Variants in NFAM1 observed in about 807,000 individuals in gnomAD.
NFAM1 encodes the protein NFAT activating protein with ITAM motif 1.
A neutral mutation model predicts 29.0 loss-of-function variants in NFAM1; 17 were observed. That is an observed-to-expected ratio of 0.59 (90% confidence interval 0.40 to 0.88). The LOEUF (loss-of-function observed/expected upper bound fraction) is 0.88, where lower values mean the gene tolerates loss of function less well. Ranked by LOEUF, NFAM1 falls within the 40% of genes least tolerant of loss-of-function variation. The probability of loss-of-function intolerance (pLI) is 0.00; values close to 1 mark genes in which losing one functional copy is unlikely to be tolerated. For missense variants in NFAM1, 324 were observed against 344.6 expected, an observed-to-expected ratio of 0.94 and a Z score of 0.47; for synonymous variants, 175 against 147.2, an observed-to-expected ratio of 1.19 and a Z score of -1.36.
Position 42,415,873 on chromosome 22 carries a change from A to G in NFAM1, c.122-4137T>C, listed in dbSNP as rs181832331. On this transcript the variant is annotated intron_variant, in intron 1 of 5. Coordinates refer to ENST00000329021, the MANE Select transcript of NFAM1 (RefSeq NM_145912.8). ...ATTGAAGGGGTACCAGTTAGGTCAC[A>G]GGCCCTGTCCCAGACCAGGAGGGGC... Among the ~76,000 whole-genome samples the G allele has an allele frequency of 7.2e-5, 11 of 152,340 alleles. No homozygotes were observed. In the East Asian group the frequency reaches 2.1e-3, roughly 29 times the overall value.
intron 4 of NFAM1, among the ~76,000 whole-genome samples, chr22:42,389,132 G>A (rs1929246213): frequency 6.6e-6 from 1 of 152,216 alleles, no homozygotes; most frequent in Admixed American, 6.5e-5. Flanking sequence ...CCTTGCCCAT[G>A]TCTCGGCAGG....
chr22:42,433,935 C>T (rs375743903), upstream of NFAM1, among the ~76,000 whole-genome samples: 8 of 152,100 alleles, frequency 5.3e-5, no homozygotes, highest in Non-Finnish European at 8.8e-5. Flanking sequence ...GGAAAAGCAT[C>T]GGTCTGTGCC....
chr22:42,419,989 GGTTTTTTTTTTTTTTTTTTTT>G lies in NFAM1; in HGVS notation c.122-8274_122-8254del, dbSNP rs1442104265. ...CCTTTGAGTCTGTAATCCCACTCTT[GGTTTTTTTTTTTTTTTTTTTT>G]TTTTTTTTTTTTTTTTCTGAGGCAG... On this transcript the variant is annotated intron_variant, in intron 1 of 5. Coordinates refer to ENST00000329021, the MANE Select transcript of NFAM1 (RefSeq NM_145912.8). The surrounding 1 kb of genome is among the most constrained non-coding windows in gnomAD (Gnocchi z 4.5). 1.7e-3 allele frequency among the ~76,000 whole-genome samples: 96 copies of G among 56,528 alleles called. 2 individuals carry two copies. The highest frequency in any genetic ancestry group is 7.9e-3 in the Middle Eastern group (1 of 126). 37.1% of individuals were successfully genotyped at this position (56,528 alleles called of 152,430 possible).
chr22:42,411,380 C>T, intron 2 of NFAM1, 27 bp downstream of exon 2: 1 of 1,569,718 alleles, frequency 6.4e-7, no homozygotes, highest in Middle Eastern at 1.7e-4. Flanking sequence ...GTCCTTTGCC[C>T]TGGAAGAGCC....
At chr22:42,422,036 C>G (rs1385520302) in intron 1 of NFAM1, among the ~76,000 whole-genome samples, 1 of 152,218 alleles carries the variant, frequency 6.6e-6, no homozygotes, top group Non-Finnish European at 1.5e-5. Context: ...TGAACAGAGA[C>G]TATTTCGGAG....
intron 4 of NFAM1, among the ~76,000 whole-genome samples, chr22:42,391,272 G>C (rs13057554): frequency 6.6e-6 from 1 of 151,178 alleles, no homozygotes; most frequent in African/African-American, 2.4e-5. Context: ...GTCTCAGAGG[G>C]CTCTGAGCAG....
At chr22:42,432,445 G>A, upstream of NFAM1, 2 of 1,449,482 alleles carry the variant, frequency 1.4e-6, no homozygotes, top group African/African-American at 1.4e-5. Flanking sequence ...TCCCCACGAA[G>A]CTCCTCCCTG....
In NFAM1 at chr22:42,419,012, T is replaced by C. The variant is rs1438769838; in HGVS notation, c.122-7276A>G. On this transcript the variant is annotated intron_variant, in intron 1 of 5. Coordinates refer to ENST00000329021, the MANE Select transcript of NFAM1 (RefSeq NM_145912.8). The surrounding 1 kb of genome is among the most constrained non-coding windows in gnomAD (Gnocchi z 4.5). ...GCCTGAGTCCTTCCTTTTCCGGTTCTTCTTATGAATCTGTGGCTGCTTGAA... is the reference window on the plus strand; with the variant it reads ...GCCTGAGTCCTTCCTTTTCCGGTTCCTCTTATGAATCTGTGGCTGCTTGAA... Among the ~76,000 whole-genome samples, 2 of 152,176 alleles carry C rather than the reference T, an allele frequency of 1.3e-5. No homozygotes were observed. The highest frequency in any genetic ancestry group is 3.9e-4 in the East Asian group (2 of 5,184).
At chr22:42,433,124 C>G (rs1930859982), upstream of NFAM1, among the ~76,000 whole-genome samples, 4 of 152,246 alleles carry the variant, frequency 2.6e-5, no homozygotes, top group Non-Finnish European at 1.5e-5. Flanking sequence ...CTAGCAGCAT[C>G]AGCCGGGGAC....
At chr22:42,391,660 C>T (rs1929346368) in intron 4 of NFAM1, among the ~76,000 whole-genome samples, 2 of 151,830 alleles carry the variant, frequency 1.3e-5, no homozygotes, top group South Asian at 2.1e-4. Context: ...AGTTGGAGTT[C>T]GAGGCTGGGC....
rs1791555902 is a variant in NFAM1 at position 42,409,088 on chromosome 22, C to A, written c.564+347G>T. The stretch of plus-strand genomic sequence containing the variant: ...CTGGTAGCCCCTTCATCCCTTCCAG[C>A]CTGCTGGGATCAAGAAAACCTGAGC... On this transcript the variant is annotated intron_variant, in intron 3 of 5. Transcript: ENST00000329021. This position sits in a 1 kb window ranked among gnomAD's most constrained non-coding sequence, Gnocchi z 4.9. 6.6e-6 allele frequency among the ~76,000 whole-genome samples: 1 copy of A among 152,140 alleles called. No individual in the cohort carries two copies.
intron 4 of NFAM1, among the ~76,000 whole-genome samples, chr22:42,396,506 A>C (rs1261593698): frequency 4.0e-5 from 6 of 151,630 alleles, no homozygotes; most frequent in Non-Finnish European, 7.4e-5. Context: ...TATATATCTC[A>C]CATATGTGTA....
intron 3 of NFAM1, among the ~76,000 whole-genome samples, chr22:42,400,855 G>A (rs903817164): frequency 1.3e-5 from 2 of 152,182 alleles, no homozygotes; most frequent in African/African-American, 2.4e-5. Context: ...TGAGCTGGCC[G>A]ACCTGGACAC....
At chr22:42,420,523 T>C (rs574121314) in intron 1 of NFAM1, among the ~76,000 whole-genome samples, 4 of 150,136 alleles carry the variant, frequency 2.7e-5, no homozygotes, top group Non-Finnish European at 5.9e-5. Context: ...CCCAGCACTT[T>C]GGGAGGCCAA....
chr22:42,401,522 G>A (rs1929726054), intron 3 of NFAM1, among the ~76,000 whole-genome samples: 1 of 152,120 alleles, frequency 6.6e-6, no homozygotes, highest in African/African-American at 2.4e-5. Flanking sequence ...TGGGGGTGCT[G>A]GGGAGGCTGG....
intron 1 of NFAM1, among the ~76,000 whole-genome samples, chr22:42,425,573 G>GCCTCCTGCCC (rs999211162): frequency 4.6e-5 from 7 of 151,796 alleles, no homozygotes; most frequent in Admixed American, 6.6e-5. Context: ...CCTGTCTGCC[G>GCCTCCTGCCC]CCTCCTGCCC....
At chr22:42,422,907 G>T (rs1198095680) in intron 1 of NFAM1, among the ~76,000 whole-genome samples, 1 of 152,098 alleles carries the variant, frequency 6.6e-6, no homozygotes, top group Non-Finnish European at 1.5e-5. Context: ...GAGGTCAAGA[G>T]TTTGAGACCA....
chr22:42,407,747 G>A (rs2147105441), intron 3 of NFAM1, among the ~76,000 whole-genome samples: 1 of 152,042 alleles, frequency 6.6e-6, no homozygotes, highest in African/African-American at 2.4e-5. Context: ...ATGCTACCAT[G>A]ACTGGCTAAT....
chr22:42,411,660 C>T lies in NFAM1; in HGVS notation c.198G>A (p.Arg66=), dbSNP rs1930096768. 3.7e-6 allele frequency: 6 copies of T among 1,613,912 alleles called. No homozygotes were observed. The highest frequency in any genetic ancestry group is 1.3e-5 in the African/African-American group (1 of 74,868). The part of the protein sequence containing the change: ...LANTAISFSC[R]ITYPYTPQFK... ...ATTGGGGAGTGTATGGATAGGTGATCCTGCAGCTGAAGGAGATAGCTGTGT... is the reference window on the plus strand; with the variant it reads ...ATTGGGGAGTGTATGGATAGGTGATTCTGCAGCTGAAGGAGATAGCTGTGT... Residue 66 remains arginine (R), a synonymous_variant, in exon 2 of 6, where the codon AGG becomes AGA. Coordinates refer to ENST00000329021, the MANE Select transcript of NFAM1 (RefSeq NM_145912.8).
Sources: allele counts gnomAD v4.1 joint callset (sites outside exome capture counted in the v4.1 genomes callset), GRCh38; gene constraint gnomAD v4.1.1; non-coding constraint Gnocchi (gnomAD v3.1); transcripts MANE v1.5; gene names NCBI Gene and HGNC (gene_info 2026-07-23, HGNC 2026-07-21).